AKT3: variants seen among roughly 807,000 people sequenced by gnomAD.
AKT3 encodes RAC-gamma serine/threonine-protein kinase.
In AKT3, 15 loss-of-function variants were observed where a neutral mutation model predicts 65.3. The observed-to-expected ratio is 0.23, with a 90% confidence interval of 0.15 to 0.35. The LOEUF (loss-of-function observed/expected upper bound fraction) is 0.35. AKT3 is among the 10% of genes least tolerant of loss of function. The pLI is 1.00. For missense variants in AKT3, 243 were observed against 576.5 expected (o/e 0.42, Z 5.92); for synonymous variants, 206 against 183.8 (o/e 1.12, Z -0.98).
intron 4 of AKT3, among the ~76,000 whole-genome samples, chr1:243,647,984 G>A (rs1680970903): frequency 6.6e-6 from 1 of 152,148 alleles, no homozygotes; most frequent in African/African-American, 2.4e-5. Context: ...TAGGCCAGGT[G>A]CAGTGGCTCA....
At chr1:243,598,810 GTTTA>G (rs1378955667) in intron 8 of AKT3, among the ~76,000 whole-genome samples, 1 of 152,226 alleles carries the variant, frequency 6.6e-6, no homozygotes, top group East Asian at 1.9e-4. Context: ...TATTTATTGG[GTTTA>G]TTTTGTTTTA....
intron 8 of AKT3, among the ~76,000 whole-genome samples, chr1:243,595,836 T>G (rs1676570773): frequency 6.6e-6 from 1 of 152,176 alleles, no homozygotes; most frequent in Admixed American, 6.5e-5. Context: ...TACCTATTTT[T>G]TTTTAAATAA....
chr1:243,547,140 G>T (rs757032205), intron 11 of AKT3, among the ~76,000 whole-genome samples: 28 of 151,612 alleles, frequency 1.8e-4, no homozygotes, highest in Non-Finnish European at 4.0e-4. Context: ...CAATTCTGGC[G>T]GTATAAATTC....
chr1:243,799,304 T>C (rs980615360), intron 2 of AKT3, among the ~76,000 whole-genome samples: 6 of 152,240 alleles, frequency 3.9e-5, no homozygotes, highest in Admixed American at 1.3e-4. Context: ...CCTCAATTAA[T>C]GTTTGGTGAC....
chr1:243,616,474 T>C (rs1016158162), intron 6 of AKT3, among the ~76,000 whole-genome samples: 2 of 152,106 alleles, frequency 1.3e-5, no homozygotes, highest in Admixed American at 1.3e-4. Context: ...CTTCAACATA[T>C]GGAGAACTGG....
At chr1:243,656,283 C>T (rs1410233359) in intron 4 of AKT3, among the ~76,000 whole-genome samples, 1 of 152,064 alleles carries the variant, frequency 6.6e-6, no homozygotes, top group African/African-American at 2.4e-5. Context: ...ACATATACTA[C>T]TTCATACAAA....
intron 4 of AKT3, among the ~76,000 whole-genome samples, chr1:243,659,321 A>C (rs1213333384): frequency 6.6e-6 from 1 of 152,212 alleles, no homozygotes; most frequent in Non-Finnish European, 1.5e-5. Flanking sequence ...ATGCCAGATG[A>C]AAACGTTCTA....
At chr1:243,603,026 A>G (rs1464956972) in intron 8 of AKT3, among the ~76,000 whole-genome samples, 2 of 152,192 alleles carry the variant, frequency 1.3e-5, no homozygotes, top group Non-Finnish European at 2.9e-5. Context: ...ACACCTCCTT[A>G]GTCAATTTTG....
chr1:243,672,930 C>T (rs749096352), intron 3 of AKT3, among the ~76,000 whole-genome samples: 1 of 152,148 alleles, frequency 6.6e-6, no homozygotes, highest in Non-Finnish European at 1.5e-5. Context: ...AATAAACGTA[C>T]TGTGGTCATT....
At chr1:243,578,500 A>G (rs1212819627) in intron 8 of AKT3, among the ~76,000 whole-genome samples, 1 of 152,180 alleles carries the variant, frequency 6.6e-6, no homozygotes, top group Non-Finnish European at 1.5e-5. Flanking sequence ...ACATGGGCAC[A>G]GGGAGAACAC....
At chr1:243,540,192 TA>T (rs1396464625) in intron 12 of AKT3, among the ~76,000 whole-genome samples, 1 of 152,100 alleles carries the variant, frequency 6.6e-6, no homozygotes, top group Admixed American at 6.5e-5. Flanking sequence ...AGGATGCAAA[TA>T]TCCTTAGAAA....
downstream of AKT3, among the ~76,000 whole-genome samples, chr1:243,496,697 A>G (rs1266281076): frequency 6.6e-6 from 1 of 152,214 alleles, no homozygotes; most frequent in Non-Finnish European, 1.5e-5. Context: ...TTGGGAACAA[A>G]GCAGCAGCAA....
chr1:243,532,830 G>A (rs535025463), intron 12 of AKT3, among the ~76,000 whole-genome samples: 22 of 152,248 alleles, frequency 1.4e-4, no homozygotes, highest in Middle Eastern at 3.4e-3. Flanking sequence ...TTCTTTAAGA[G>A]TTACGGGGTC....
intron 2 of AKT3, among the ~76,000 whole-genome samples, chr1:243,795,459 TTTGTTTTTTTTTTTTGG>T (rs1691911182): frequency 1.6e-5 from 2 of 124,910 alleles, no homozygotes; most frequent in Non-Finnish European, 3.3e-5. Flanking sequence ...GTTTTTTTTT[TTTGTTTTTTTTTTTTGG>T]TTTTTTTTTT....
At chr1:243,552,376 T>C (rs1673147193) in intron 11 of AKT3, among the ~76,000 whole-genome samples, 1 of 150,442 alleles carries the variant, frequency 6.6e-6, no homozygotes, top group Non-Finnish European at 1.5e-5. Flanking sequence ...AATAGGTCTA[T>C]TCCTTTTATA....
rs2148339913 is a variant in AKT3, at chr1:243,502,621, C to T, written c.*2628G>A. ...AGTTTTAGAAATCTCCCTCTACACG[C>T]ATTTCTGGTTTTCTATTATTCCTCC... is the stretch of plus-strand genomic sequence containing the variant. On this transcript the variant is annotated 3_prime_UTR_variant, in exon 14 of 14. Coordinates refer to ENST00000673466, the MANE Select transcript of AKT3 (RefSeq NM_005465.7). 1 of 233,270 alleles carries T rather than the reference C, an allele frequency of 4.3e-6. No individual in the cohort carries two copies. Among genetic ancestry groups the T allele is most frequent in the East Asian group, 6.0e-5 (1 of 16,596 alleles). 14.5% of individuals were successfully genotyped at this position (233,270 alleles called of 1,614,324 possible). A position where few individuals can be genotyped will look rare whatever the true frequency, so the allele number is the denominator to read the frequency against.
chr1:243,600,211 A>C (rs1309255419), intron 8 of AKT3, among the ~76,000 whole-genome samples: 1 of 152,136 alleles, frequency 6.6e-6, no homozygotes, highest in African/African-American at 2.4e-5. Flanking sequence ...AGAAGACAAC[A>C]CTGTGAAACT....
At chr1:243,620,760 C>T (rs1007259591) in intron 6 of AKT3, among the ~76,000 whole-genome samples, 4 of 152,050 alleles carry the variant, frequency 2.6e-5, no homozygotes, top group African/African-American at 4.8e-5. Flanking sequence ...AACATTATTG[C>T]GCCTTTCTCG....
chr1:243,689,269 T>C (rs1218494664), intron 3 of AKT3, among the ~76,000 whole-genome samples: 1 of 152,140 alleles, frequency 6.6e-6, no homozygotes, highest in African/African-American at 2.4e-5. Context: ...TCTCTCATAA[T>C]TCATGTACAT....
Sources: allele counts gnomAD v4.1 joint callset (sites outside exome capture counted in the v4.1 genomes callset), GRCh38; gene constraint gnomAD v4.1.1; transcripts MANE v1.5; gene names NCBI Gene and HGNC (gene_info 2026-07-23, HGNC 2026-07-21).